Variants in TCF12 observed in about 807,000 individuals in gnomAD.
TCF12 encodes the protein transcription factor 12, also known as DNA-binding protein HTF4.
A neutral mutation model predicts 86.0 loss-of-function variants in TCF12; 45 were observed. The observed-to-expected ratio is 0.52, with a 90% CI of 0.41 to 0.67. The LOEUF is 0.67. TCF12 is among the 30% of genes least tolerant of loss of function. The pLI, the probability that TCF12 is intolerant of heterozygous loss-of-function variation, is 0.00. For synonymous variants in TCF12, 330 were observed against 299.6 expected (o/e 1.10, Z -1.05); for missense variants, 881 against 859.9 (o/e 1.02, Z -0.31).
intron 3 of TCF12, among the ~76,000 whole-genome samples, chr15:57,047,172 A>G (rs1449504802): frequency 6.6e-6 from 1 of 152,210 alleles, no homozygotes; most frequent in Non-Finnish European, 1.5e-5. Flanking sequence ...TGCTGTTGAC[A>G]TTGCTTTTTC....
chr15:57,196,163 T>C (rs969964512), intron 7 of TCF12, among the ~76,000 whole-genome samples: 11 of 117,946 alleles, frequency 9.3e-5, no homozygotes, highest in Non-Finnish European at 1.8e-4. Flanking sequence ...CAACCACAGA[T>C]AGAAAAAAAA....
At chr15:56,977,180 C>G (rs2062649392) in intron 3 of TCF12, among the ~76,000 whole-genome samples, 1 of 152,014 alleles carries the variant, frequency 6.6e-6, no homozygotes. Flanking sequence ...AGTTCAAAAT[C>G]AAGATGTTGC....
At chr15:57,180,238 G>A (rs1462079258) in intron 6 of TCF12, among the ~76,000 whole-genome samples, 5 of 152,080 alleles carry the variant, frequency 3.3e-5, no homozygotes, top group African/African-American at 9.6e-5. Context: ...CTCACCCTTC[G>A]ATTTTGATTT....
chr15:57,087,061 G>GTCTCCCTCTCTCTCCCTCTC (rs201978581), intron 4 of TCF12, among the ~76,000 whole-genome samples: 19 of 142,908 alleles, frequency 1.3e-4, no homozygotes, highest in African/African-American at 5.0e-4. Flanking sequence ...GTCTCCCTCT[G>GTCTCCCTCTCTCTCCCTCTC]TCTCCCTCTC....
intron 5 of TCF12, among the ~76,000 whole-genome samples, chr15:57,106,126 C>T (rs919889974): frequency 6.6e-6 from 1 of 152,112 alleles, no homozygotes; most frequent in African/African-American, 2.4e-5. Flanking sequence ...GTGAAAAAAG[C>T]TAAGTGCAGA....
At chr15:57,128,860 A>G (rs987787434) in intron 5 of TCF12, among the ~76,000 whole-genome samples, 4 of 152,242 alleles carry the variant, frequency 2.6e-5, no homozygotes, top group African/African-American at 7.2e-5. Flanking sequence ...TACATAATCA[A>G]TATTTCATTT....
intron 4 of TCF12, among the ~76,000 whole-genome samples, chr15:57,068,330 C>T (rs1457639308): frequency 6.6e-6 from 1 of 151,984 alleles, no homozygotes; most frequent in African/African-American, 2.4e-5. Flanking sequence ...CAAAATTCAC[C>T]CATTAGATCT....
At chr15:56,940,739 C>G (rs1430491441) in intron 3 of TCF12, among the ~76,000 whole-genome samples, 1 of 110,560 alleles carries the variant, frequency 9.0e-6, no homozygotes, top group African/African-American at 4.2e-5. Context: ...TCTCCCCCCC[C>G]TTCTCCTCCT....
chr15:56,988,265 C>A (rs2063287672), intron 3 of TCF12, among the ~76,000 whole-genome samples: 1 of 152,108 alleles, frequency 6.6e-6, no homozygotes, highest in Non-Finnish European at 1.5e-5. Context: ...ATTGTACTTA[C>A]ATAAACCTAG....
intron 8 of TCF12, among the ~76,000 whole-genome samples, chr15:57,209,007 C>A (rs151265828): frequency 1.3e-5 from 2 of 152,308 alleles, no homozygotes; most frequent in East Asian, 3.9e-4. Context: ...TGAGTCACTG[C>A]GGCCAGCCCA....
intron 3 of TCF12, among the ~76,000 whole-genome samples, chr15:56,982,541 T>G (rs1006166324): frequency 3.9e-5 from 6 of 152,210 alleles, no homozygotes; most frequent in Non-Finnish European, 7.3e-5. Context: ...AAGTCAGTTT[T>G]CAGACAAATT....
At chr15:57,160,881 G>T (rs556466912) in intron 5 of TCF12, among the ~76,000 whole-genome samples, 2 of 151,648 alleles carry the variant, frequency 1.3e-5, no homozygotes, top group South Asian at 2.1e-4. Context: ...ATAAAGGTCA[G>T]TTCTCACTAT....
chr15:56,952,690 T>C (rs1280239627), intron 3 of TCF12, among the ~76,000 whole-genome samples: 2 of 152,192 alleles, frequency 1.3e-5, no homozygotes, highest in African/African-American at 4.8e-5. Context: ...TTTTAGAATA[T>C]AGAAATACAA....
At chr15:57,042,499 A>G (rs2703603) in intron 3 of TCF12, among the ~76,000 whole-genome samples, 1 of 152,218 alleles carries the variant, frequency 6.6e-6, no homozygotes, top group South Asian at 2.1e-4. Flanking sequence ...CTGTGACCTC[A>G]AATTCCGGGG....
chr15:57,081,372 T>C (rs2070638568), intron 4 of TCF12, among the ~76,000 whole-genome samples: 1 of 152,168 alleles, frequency 6.6e-6, no homozygotes, highest in South Asian at 2.1e-4. Flanking sequence ...TGTTAGACTT[T>C]GGGTGATCTG....
intron 8 of TCF12, among the ~76,000 whole-genome samples, chr15:57,212,005 A>G (rs988490353): frequency 7.6e-6 from 1 of 131,694 alleles, no homozygotes; most frequent in South Asian, 2.4e-4. Flanking sequence ...ACACACACAC[A>G]CACTTTAAGA....
chr15:56,978,796 T>G (rs542871594), intron 3 of TCF12, among the ~76,000 whole-genome samples: 1 of 152,326 alleles, frequency 6.6e-6, no homozygotes, highest in South Asian at 2.1e-4. Context: ...GCCTAAGTAT[T>G]CAGCAGGCCC....
At chr15:57,051,354 G>A (rs1461935931) in intron 3 of TCF12, among the ~76,000 whole-genome samples, 1 of 152,096 alleles carries the variant, frequency 6.6e-6, no homozygotes, top group Non-Finnish European at 1.5e-5. Flanking sequence ...AAGATTGGAG[G>A]GGAAATTAAA....
chr15:57,260,502 T>C (rs2060539579), intron 16 of TCF12, among the ~76,000 whole-genome samples: 1 of 152,192 alleles, frequency 6.6e-6, no homozygotes, highest in South Asian at 2.1e-4. Context: ...AATTACTTGG[T>C]GTGATAGTTC....
Sources: allele counts gnomAD v4.1 joint callset (sites outside exome capture counted in the v4.1 genomes callset), GRCh38; gene constraint gnomAD v4.1.1; transcripts MANE v1.5; gene names NCBI Gene and HGNC (gene_info 2026-07-23, HGNC 2026-07-21).